Variants in PSMA1 observed in about 807,000 individuals in gnomAD.
The protein encoded by PSMA1 is proteasome subunit alpha type-1.
In PSMA1, 3 loss-of-function variants were observed where a neutral mutation model predicts 38.4. The observed-to-expected ratio is 0.08, with a 90% CI of 0.04 to 0.20. PSMA1 has a LOEUF of 0.20. Ranked by LOEUF, PSMA1 falls within the 10% of genes least tolerant of loss-of-function variation. PSMA1 has a pLI of 1.00. For synonymous variants in PSMA1, 101 were observed against 107.1 expected, an observed-to-expected ratio of 0.94 and a Z score of 0.35; for missense variants, 227 against 325.3, an observed-to-expected ratio of 0.70 and a Z score of 2.32.
In PSMA1 at chr11:14,520,354, G is replaced by C; in HGVS notation, c.-55C>G. ...CAGCAAAACTGAGAATCAAGGAGGT[G>C]CTGCCGAAAGTATCGCTCAGCGATC... On this transcript the variant is annotated 5_prime_UTR_variant, in exon 1 of 10. Transcript: ENST00000396394. 6.2e-7 allele frequency: 1 copy of C among 1,614,246 alleles called. No individual in the cohort carries two copies. The highest frequency in any genetic ancestry group is 8.5e-7 in the Non-Finnish European group (1 of 1,180,040).
intron 2 of PSMA1, among the ~76,000 whole-genome samples, chr11:14,547,159 T>C (rs1261457266): frequency 6.6e-6 from 1 of 152,180 alleles, no homozygotes; most frequent in Non-Finnish European, 1.5e-5. Context: ...ATTTGAAAAC[T>C]GGGGCAAGGA....
chr11:14,547,989 G>A (rs1164950206), intron 2 of PSMA1, among the ~76,000 whole-genome samples: 1 of 151,494 alleles, frequency 6.6e-6, no homozygotes, highest in Non-Finnish European at 1.5e-5. Flanking sequence ...GCTTCTGGTG[G>A]GCAAGATCCT....
chr11:14,557,908 C>T (rs765379594), intron 2 of PSMA1, among the ~76,000 whole-genome samples: 11 of 152,124 alleles, frequency 7.2e-5, no homozygotes, highest in Non-Finnish European at 1.6e-4. Flanking sequence ...TCTGGTGCCT[C>T]CAATTGCAGA....
intron 1 of PSMA1, among the ~76,000 whole-genome samples, chr11:14,627,421 C>A (rs543138266): frequency 1.6e-4 from 25 of 152,252 alleles, no homozygotes; most frequent in African/African-American, 5.3e-4. Flanking sequence ...TAGCATTCAG[C>A]AACTGCATTT....
At chr11:14,588,273 A>G (rs1852372337) in intron 2 of PSMA1, among the ~76,000 whole-genome samples, 1 of 152,240 alleles carries the variant, frequency 6.6e-6, no homozygotes, top group Admixed American at 6.5e-5. Context: ...GGAAAGAAGA[A>G]TTTGGGCTGA....
chr11:14,569,033 A>T (rs1185862372), intron 2 of PSMA1, among the ~76,000 whole-genome samples: 3 of 152,202 alleles, frequency 2.0e-5, no homozygotes, highest in African/African-American at 7.2e-5. Context: ...AAGGTCTCTG[A>T]CATGCCCTGG....
chr11:14,545,906 T>C (rs11023252), intron 2 of PSMA1, among the ~76,000 whole-genome samples: 18 of 152,256 alleles, frequency 1.2e-4, no homozygotes, highest in African/African-American at 2.4e-4. Flanking sequence ...AGGGCAGAGA[T>C]TGGGGGAGAT....
intron 1 of PSMA1, among the ~76,000 whole-genome samples, chr11:14,643,009 T>C (rs1027464436): frequency 4.6e-5 from 7 of 151,958 alleles, no homozygotes; most frequent in Non-Finnish European, 1.0e-4. Flanking sequence ...GGATACAAGT[T>C]GTGAACCGGC....
chr11:14,600,661 G>A (rs955661775), intron 2 of PSMA1, among the ~76,000 whole-genome samples: 7 of 152,218 alleles, frequency 4.6e-5, no homozygotes, highest in Non-Finnish European at 1.0e-4. Context: ...GCTTCCCTTG[G>A]CTAGGAAAGG....
intron 2 of PSMA1, among the ~76,000 whole-genome samples, chr11:14,579,327 G>C (rs1338116618): frequency 6.6e-6 from 1 of 152,082 alleles, no homozygotes; most frequent in Admixed American, 6.5e-5. Flanking sequence ...TTGGCTTCTA[G>C]CTACGTAACG....
At chr11:14,608,565 A>G (rs1202986624) in intron 2 of PSMA1, among the ~76,000 whole-genome samples, 1 of 149,300 alleles carries the variant, frequency 6.7e-6, no homozygotes, top group East Asian at 1.9e-4. Flanking sequence ...GTATAATAAT[A>G]ATAAAATTTA....
intron 2 of PSMA1, among the ~76,000 whole-genome samples, chr11:14,606,778 T>C (rs563232716): frequency 6.6e-6 from 1 of 152,312 alleles, no homozygotes; most frequent in South Asian, 2.1e-4. Context: ...AAAGGGAATA[T>C]AGTATCTTCT....
chr11:14,592,392 A>AT (rs139270911), intron 2 of PSMA1, among the ~76,000 whole-genome samples: 11 of 140,884 alleles, frequency 7.8e-5, no homozygotes, highest in African/African-American at 2.8e-4. Context: ...ATATATATAT[A>AT]TATTTTTTTT....
chr11:14,592,840 A>G (rs1043787470), intron 2 of PSMA1, among the ~76,000 whole-genome samples: 2 of 152,252 alleles, frequency 1.3e-5, no homozygotes, highest in African/African-American at 4.8e-5. Context: ...GGTCTCAGAT[A>G]AAATGCCTTC....
Position 14,516,188 on chromosome 11 carries a change from C to T in PSMA1, c.254+1454G>A, listed in dbSNP as rs544132174. Among the ~76,000 whole-genome samples the T allele has an allele frequency of 8.9e-5, 13 of 146,094 alleles. No homozygotes were observed. The South Asian group carries it at 2.0e-3, about 23-fold the overall frequency. ...TCATACCACTGCACTCTAGCCTGGG[C>T]GACAGCGCGAGACTCCGTCTCAAAA... On this transcript the variant is annotated intron_variant, in intron 4 of 9. Transcript: ENST00000396394.
chr11:14,616,781 G>C (rs1852778872), intron 1 of PSMA1, among the ~76,000 whole-genome samples: 1 of 152,074 alleles, frequency 6.6e-6, no homozygotes, highest in African/African-American at 2.4e-5. Flanking sequence ...CCCCAGGGAG[G>C]TTAAGCAACT....
intron 1 of PSMA1, among the ~76,000 whole-genome samples, chr11:14,641,942 A>G (rs1853208431): frequency 6.6e-6 from 1 of 152,246 alleles, no homozygotes; most frequent in Non-Finnish European, 1.5e-5. Context: ...TTTGAGAAGA[A>G]CAAGGCCAGT....
At chr11:14,641,017 A>G (rs1298326453) in intron 1 of PSMA1, among the ~76,000 whole-genome samples, 2 of 152,162 alleles carry the variant, frequency 1.3e-5, no homozygotes, top group African/African-American at 4.8e-5. Flanking sequence ...AGGAGAGTGG[A>G]GAGATCCACT....
chr11:14,598,954 C>T (rs184516761), intron 2 of PSMA1, among the ~76,000 whole-genome samples: 1 of 152,012 alleles, frequency 6.6e-6, no homozygotes. Context: ...CAAAATCTCT[C>T]AGCATTTTTC....
Sources: allele counts gnomAD v4.1 joint callset (sites outside exome capture counted in the v4.1 genomes callset), GRCh38; gene constraint gnomAD v4.1.1; transcripts MANE v1.5; gene names NCBI Gene and HGNC (gene_info 2026-07-23, HGNC 2026-07-21).